HSD17B4: variants seen among roughly 807,000 people sequenced by gnomAD.
HSD17B4 encodes the protein peroxisomal multifunctional enzyme type 2.
Under a neutral mutation model 101.0 loss-of-function variants are expected in HSD17B4, and 70 were observed. The ratio of observed to expected loss-of-function variants is 0.69; its 90% CI spans 0.57 to 0.85. The LOEUF is 0.85. Among genes scored for constraint, HSD17B4 ranks in the 40% least tolerant of loss-of-function variants. The pLI is 0.00. For synonymous variants in HSD17B4, 347 were observed against 297.1 expected (o/e 1.17, Z -1.73); for missense variants, 984 against 892.4 (o/e 1.10, Z -1.31).
chr5:119,516,207 T>C (rs1180608611), intron 17 of HSD17B4, among the ~76,000 whole-genome samples: 2 of 152,196 alleles, frequency 1.3e-5, no homozygotes, highest in Non-Finnish European at 2.9e-5. Context: ...TTCCATCCAT[T>C]ACTGTTTCTT....
rs775060894 is a variant in HSD17B4, at chr5:119,515,022, T to TAG, written c.1480_1481insGA (p.Thr494ArgfsTer31). 6.3e-7 allele frequency: 1 copy of TAG among 1,584,532 alleles called. No individual in the cohort carries two copies. Among genetic ancestry groups the TAG allele is most frequent in the Non-Finnish European group, 8.7e-7 (1 of 1,153,226 alleles). On this transcript the variant is annotated frameshift_variant, in exon 17 of 24. Transcript: ENST00000510025. LOFTEE classifies it high-confidence loss of function. ...CTAATAGACCTCCTGATGCTGTACTTACAGATACCACCTCTCTTAATCAGG... is the reference window on the plus strand; with the variant it reads ...CTAATAGACCTCCTGATGCTGTACTTAGACAGATACCACCTCTCTTAATCAGG...
chr5:119,520,411 C>G (rs978612801), intron 17 of HSD17B4, among the ~76,000 whole-genome samples: 8 of 152,054 alleles, frequency 5.3e-5, no homozygotes, highest in African/African-American at 1.9e-4. Context: ...AGTGAGACCC[C>G]CATTTAGATT....
chr5:119,462,402 T>C (rs1435588931), intron 2 of HSD17B4, among the ~76,000 whole-genome samples: 5 of 151,782 alleles, frequency 3.3e-5, no homozygotes, highest in South Asian at 2.1e-4. Flanking sequence ...TCTTATAGAC[T>C]TAGGGACCCG....
At chr5:119,475,389 G>A (rs920703707) in intron 4 of HSD17B4, among the ~76,000 whole-genome samples, 1 of 151,994 alleles carries the variant, frequency 6.6e-6, no homozygotes, top group African/African-American at 2.4e-5. Context: ...AATGGCTTAT[G>A]GTTCTGATTC....
Position 119,452,497 on chromosome 5 carries a change from A to G in HSD17B4, c.-79A>G. 1 of 1,610,204 alleles carries G rather than the reference A, an allele frequency of 6.2e-7. No individual in the cohort carries two copies. The highest frequency in any genetic ancestry group is 8.5e-7 in the Non-Finnish European group (1 of 1,178,136). ...CACTGACCCTCGTCCCGCCCCCGCC[A>G]TTCCCCGCCTCCTCCTGTCCCGCAG... On this transcript the variant is annotated 5_prime_UTR_variant, in exon 1 of 24. Coordinates refer to ENST00000510025, the MANE Select transcript of HSD17B4 (RefSeq NM_000414.4).
At chr5:119,492,670 T>C (rs1249820700) in intron 10 of HSD17B4, 2 of 152,190 alleles carry the variant, frequency 1.3e-5, no homozygotes, top group Non-Finnish European at 2.9e-5. Context: ...TTTAGCCCAA[T>C]AGTTATTTTA....
In HSD17B4 at chr5:119,509,186, C is replaced by T. The variant is rs1225847202; in HGVS notation, c.1379C>T (p.Ser460Phe). 1.9e-6 allele frequency: 3 copies of T among 1,609,546 alleles called. No individual in the cohort carries two copies. The highest frequency in any genetic ancestry group is 1.7e-5 in the Admixed American group (1 of 60,020). The change falls in exon 16 of 24, where the codon TCT (serine) becomes TTT (phenylalanine). Residue 460 changes from serine (S) to phenylalanine (F), a missense_variant. By Grantham distance (155) the Ser-to-Phe change is radical. Coordinates refer to ENST00000510025, the MANE Select transcript of HSD17B4 (RefSeq NM_000414.4). ...EKELICHNQF[S>F]LFLVGSGGFG... ...GAACTTATATGCCACAATCAGTTCTCTCTCTTTCTTGTTGGCTCTGGAGGC... is the reference window on the plus strand; with the variant it reads ...GAACTTATATGCCACAATCAGTTCTTTCTCTTTCTTGTTGGCTCTGGAGGC...
chr5:119,530,038 T>A (rs1753928201), intron 21 of HSD17B4, 58 bp downstream of exon 21: 1 of 1,018,294 alleles, frequency 9.8e-7, no homozygotes, highest in Admixed American at 1.7e-5. Flanking sequence ...TCAGTTAAGG[T>A]GACTTTAAGA....
chr5:119,541,079 G>A, intron 23 of HSD17B4, among the ~76,000 whole-genome samples: 1 of 152,094 alleles, frequency 6.6e-6, no homozygotes, highest in East Asian at 1.9e-4. Flanking sequence ...AACTATGATT[G>A]ATTATTTTTA....
At chr5:119,523,338 T>G (rs886861801) in intron 17 of HSD17B4, among the ~76,000 whole-genome samples, 1 of 152,196 alleles carries the variant, frequency 6.6e-6, no homozygotes. Context: ...TTTTGGTGGT[T>G]GTTATTTATA....
At chr5:119,476,124 C>T (rs570744834) in intron 6 of HSD17B4, among the ~76,000 whole-genome samples, 33 of 152,090 alleles carry the variant, frequency 2.2e-4, no homozygotes, top group East Asian at 1.2e-3. Flanking sequence ...TTCAGGTTTC[C>T]CTCTCCCCTT....
rs772101896 is a variant in HSD17B4, at chr5:119,475,860, T to C, written c.339T>C (p.Asp113=). The part of the protein sequence containing the change: ...LRDRSFARIS[D]EDWDIIHRVH... ...ATCGTTCCTTTGCTAGGATAAGTGATGAAGACTGGGGTAAGTTGTTTTTAG... is the reference window on the plus strand; with the variant it reads ...ATCGTTCCTTTGCTAGGATAAGTGACGAAGACTGGGGTAAGTTGTTTTTAG... The change falls in exon 6 of 24, where the codon GAT becomes GAC. Residue 113 remains aspartate, a synonymous_variant. Transcript: ENST00000510025. The C allele has an allele frequency of 1.3e-6, 2 of 1,595,502 alleles. No homozygotes were observed. The highest frequency in any genetic ancestry group is 1.7e-6 in the Non-Finnish European group (2 of 1,163,212).
chr5:119,529,916 T>C lies in HSD17B4; in HGVS notation c.1790T>C (p.Val597Ala). The C allele has an allele frequency of 5.6e-6, 9 of 1,606,522 alleles. No individual in the cohort carries two copies. Among genetic ancestry groups the C allele is most frequent in the Non-Finnish European group, 6.0e-6 (7 of 1,173,656 alleles). The stretch of plus-strand genomic sequence containing the variant: ...AAGGTCCAAGAAACTGGAGACATTG[T>C]CATTTCAAATGCATATGTGGATCTT... ...QTKVQETGDI[V>A]ISNAYVDLAP... The change falls in exon 21 of 24, where the codon GTC (valine) becomes GCC (alanine). Residue 597 changes from valine (V) to alanine (A), a missense_variant. Coordinates refer to ENST00000510025, the MANE Select transcript of HSD17B4 (RefSeq NM_000414.4).
At chr5:119,519,533 T>C (rs1261703173) in intron 17 of HSD17B4, among the ~76,000 whole-genome samples, 1 of 152,212 alleles carries the variant, frequency 6.6e-6, no homozygotes, top group African/African-American at 2.4e-5. Context: ...TCATGGATGC[T>C]AGTTGGACCA....
At chr5:119,505,898 T>C (rs1751601588) in intron 14 of HSD17B4, among the ~76,000 whole-genome samples, 1 of 152,190 alleles carries the variant, frequency 6.6e-6, no homozygotes, top group South Asian at 2.1e-4. Flanking sequence ...TCCTTGACAT[T>C]GCCAATGGTT....
At chr5:119,541,884 T>C in intron 23 of HSD17B4, 21 bp from the exon 24 acceptor site, 1 of 1,514,422 alleles carries the variant, frequency 6.6e-7, no homozygotes, top group Admixed American at 1.7e-5. Context: ...TTGGCACTCT[T>C]TTTCCCTCCT....
At chr5:119,531,160 T>G (rs925081826) in intron 21 of HSD17B4, 106 bp from the exon 22 acceptor site, 32 of 1,085,834 alleles carry the variant, frequency 2.9e-5, no homozygotes, top group Non-Finnish European at 4.3e-5. Context: ...AACTGACTTA[T>G]GTACAGAGTT....
Position 119,531,360 on chromosome 5 carries a change from T to C in HSD17B4, c.1949T>C (p.Phe650Ser). 1 of 1,613,616 alleles carries C rather than the reference T, an allele frequency of 6.2e-7. No individual in the cohort carries two copies. Among genetic ancestry groups the C allele is most frequent in the Non-Finnish European group, 8.5e-7 (1 of 1,179,684 alleles). The change falls in exon 22 of 24, where the codon TTT becomes TCT. Residue 650 changes from phenylalanine to serine, a missense_variant. Physicochemically the swap from Phe to Ser is radical, Grantham distance 155. Coordinates refer to ENST00000510025, the MANE Select transcript of HSD17B4 (RefSeq NM_000414.4). Reference sequence around the variant, plus strand: ...GTGGTGAAGAAAGTAAATGCTGTATTTGAGTGGCATATAACCAAAGGCGGA... The same window carrying C: ...GTGGTGAAGAAAGTAAATGCTGTATCTGAGTGGCATATAACCAAAGGCGGA... ...PEVVKKVNAV[F>S]EWHITKGGNI...
At position 119,509,187 on chromosome 5, in the gene HSD17B4, T is replaced by C; in HGVS notation, c.1380T>C (p.Ser460=). ...EKELICHNQF[S]LFLVGSGGFG... ...AACTTATATGCCACAATCAGTTCTC[T>C]CTCTTTCTTGTTGGCTCTGGAGGCT... The change falls in exon 16 of 24, where the codon TCT becomes TCC. Residue 460 remains serine (S), a synonymous_variant. Transcript: ENST00000510025. 1.2e-6 allele frequency: 2 copies of C among 1,610,112 alleles called. No individual in the cohort carries two copies. The highest frequency in any genetic ancestry group is 1.7e-6 in the Non-Finnish European group (2 of 1,176,354).
Sources: gnomAD v4.1 joint callset for allele counts (sites outside exome capture counted in the v4.1 genomes callset) on GRCh38, gnomAD v4.1.1 for gene constraint, MANE v1.5 for transcripts, NCBI Gene and HGNC (gene_info 2026-07-23, HGNC 2026-07-21) for gene names.